The following GALNTL6 variants were observed in gnomAD, a reference collection of about 807,000 sequenced individuals.
GALNTL6 encodes the protein polypeptide N-acetylgalactosaminyltransferase-like 6.
Under a neutral mutation model 73.7 loss-of-function variants are expected in GALNTL6, and 46 were observed. The observed-to-expected ratio is 0.62, with a 90% CI of 0.49 to 0.80. The LOEUF (loss-of-function observed/expected upper bound fraction) is 0.80. GALNTL6 is among the 30% of genes least tolerant of loss of function. The pLI is 0.00. For missense variants in GALNTL6, 604 were observed against 755.0 expected, an observed-to-expected ratio of 0.80 and a Z score of 2.34; for synonymous variants, 259 against 263.7, an observed-to-expected ratio of 0.98 and a Z score of 0.17.
At chr4:172,384,803 G>C (rs978195231) in intron 5 of GALNTL6, among the ~76,000 whole-genome samples, 21 of 151,860 alleles carry the variant, frequency 1.4e-4, no homozygotes, top group African/African-American at 5.1e-4. Flanking sequence ...TTAGAGACAG[G>C]GCCTTATTAT....
At chr4:171,819,939 C>T (rs1453643898) in intron 2 of GALNTL6, among the ~76,000 whole-genome samples, 3 of 152,168 alleles carry the variant, frequency 2.0e-5, no homozygotes, top group Middle Eastern at 3.4e-3. Context: ...AACAAAGGTG[C>T]AAGTGTGCAA....
intron 8 of GALNTL6, among the ~76,000 whole-genome samples, chr4:172,896,984 A>G (rs1313941764): frequency 1.3e-5 from 2 of 152,214 alleles, no homozygotes; most frequent in Non-Finnish European, 2.9e-5. Flanking sequence ...CCCCAACTGC[A>G]GCAAGAGGCA....
chr4:172,337,016 A>G (rs1021077613), intron 4 of GALNTL6, among the ~76,000 whole-genome samples: 2 of 152,160 alleles, frequency 1.3e-5, no homozygotes, highest in African/African-American at 4.8e-5. Flanking sequence ...TCATCATTAT[A>G]TAATGTCCTT....
intron 11 of GALNTL6, among the ~76,000 whole-genome samples, chr4:173,014,810 A>T (rs2126503887): frequency 6.6e-6 from 1 of 152,304 alleles, no homozygotes; most frequent in South Asian, 2.1e-4. Context: ...TATAATACAA[A>T]CGGACCCAGG....
At chr4:172,327,818 A>G (rs1356517248) in intron 4 of GALNTL6, among the ~76,000 whole-genome samples, 1 of 152,088 alleles carries the variant, frequency 6.6e-6, no homozygotes. Flanking sequence ...TGAAGACAGC[A>G]TATCATCTGG....
intron 5 of GALNTL6, among the ~76,000 whole-genome samples, chr4:172,714,831 A>G (rs891852563): frequency 7.2e-5 from 11 of 152,122 alleles, no homozygotes; most frequent in African/African-American, 2.7e-4. Flanking sequence ...AGAAGACTTT[A>G]TGATAAACAC....
chr4:171,904,512 G>T (rs561776571), intron 2 of GALNTL6, among the ~76,000 whole-genome samples: 1 of 152,166 alleles, frequency 6.6e-6, no homozygotes, highest in Non-Finnish European at 1.5e-5. Flanking sequence ...CCAAATCTGC[G>T]TCTGATTGGT....
intron 5 of GALNTL6, among the ~76,000 whole-genome samples, chr4:172,716,154 G>A (rs913785559): frequency 1.3e-5 from 2 of 152,068 alleles, no homozygotes. Flanking sequence ...GGTGCTGGTG[G>A]TGTCTAGTCT....
At position 171,986,966 on chromosome 4, in the gene GALNTL6, C is replaced by T. The variant is rs574553355; in HGVS notation, c.138+172248C>T. Among the ~76,000 whole-genome samples, 32 of 152,224 alleles carry T rather than the reference C, an allele frequency of 2.1e-4. No homozygotes were observed. In the South Asian group the frequency reaches 6.4e-3, roughly 31 times the overall value. On this transcript the variant is annotated intron_variant, in intron 2 of 12. Coordinates refer to ENST00000506823, the MANE Select transcript of GALNTL6 (RefSeq NM_001034845.3). ...TGTAAACCGGCAGTGTAAACAAGAG[C>T]AGGGCATGTATGAGTAGTTGAGAAC...
intron 2 of GALNTL6, among the ~76,000 whole-genome samples, chr4:172,108,817 G>C (rs1469331271): frequency 6.6e-6 from 1 of 151,832 alleles, no homozygotes; most frequent in East Asian, 1.9e-4. Context: ...TTTGAGACCA[G>C]CTTGACCAAC....
At chr4:172,705,447 T>TTA (rs1553975363) in intron 5 of GALNTL6, among the ~76,000 whole-genome samples, 5 of 148,254 alleles carry the variant, frequency 3.4e-5, no homozygotes, top group African/African-American at 1.2e-4. Flanking sequence ...ACAATAAATT[T>TTA]AAAAAAAAAA....
intron 5 of GALNTL6, among the ~76,000 whole-genome samples, chr4:172,685,899 A>G (rs1023973324): frequency 6.6e-5 from 10 of 152,144 alleles, no homozygotes; most frequent in Non-Finnish European, 1.3e-4. Context: ...TAAGTAGTCC[A>G]TTCCCTCTGA....
chr4:172,052,505 C>T, intron 2 of GALNTL6: 1 of 1,535,034 alleles, frequency 6.5e-7, no homozygotes, highest in East Asian at 2.4e-5. Flanking sequence ...TAGTGCAGAC[C>T]ACGGAGTGCA....
intron 5 of GALNTL6, among the ~76,000 whole-genome samples, chr4:172,414,195 A>T (rs928424554): frequency 6.6e-6 from 1 of 152,186 alleles, no homozygotes; most frequent in Non-Finnish European, 1.5e-5. Flanking sequence ...ATAGTGGCTT[A>T]TCATTGATTA....
intron 5 of GALNTL6, among the ~76,000 whole-genome samples, chr4:172,456,043 A>T (rs1006532985): frequency 6.6e-6 from 1 of 152,188 alleles, no homozygotes; most frequent in Non-Finnish European, 1.5e-5. Flanking sequence ...TCTGCTGGTG[A>T]TACTCAGGTA....
intron 7 of GALNTL6, among the ~76,000 whole-genome samples, chr4:172,879,910 T>TAA (rs1745371807): frequency 6.6e-6 from 1 of 151,902 alleles, no homozygotes; most frequent in Non-Finnish European, 1.5e-5. Context: ...TACAAACACT[T>TAA]TAACATTATT....
At chr4:172,672,002 T>C (rs1732013454) in intron 5 of GALNTL6, among the ~76,000 whole-genome samples, 1 of 152,172 alleles carries the variant, frequency 6.6e-6, no homozygotes, top group African/African-American at 2.4e-5. Flanking sequence ...GTAATTCTCA[T>C]GCATCAGTCT....
At chr4:172,902,130 A>C (rs1489874649) in intron 8 of GALNTL6, among the ~76,000 whole-genome samples, 1 of 152,170 alleles carries the variant, frequency 6.6e-6, no homozygotes, top group Non-Finnish European at 1.5e-5. Flanking sequence ...GAGGAGCCTG[A>C]GACAGACCTA....
chr4:172,710,011 C>G (rs1734601144), intron 5 of GALNTL6, among the ~76,000 whole-genome samples: 1 of 151,812 alleles, frequency 6.6e-6, no homozygotes, highest in Non-Finnish European at 1.5e-5. Flanking sequence ...GCTGGCAATT[C>G]ACAAAAAAAT....
Sources: gnomAD v4.1 joint callset for allele counts (sites outside exome capture counted in the v4.1 genomes callset) on GRCh38, gnomAD v4.1.1 for gene constraint, MANE v1.5 for transcripts, NCBI Gene and HGNC (gene_info 2026-07-23, HGNC 2026-07-21) for gene names.